ZBBX: variants seen among roughly 807,000 people sequenced by gnomAD.
ZBBX encodes the protein zinc finger B-box domain-containing protein 1.
In ZBBX, 101 loss-of-function variants were observed where a neutral mutation model predicts 108.5. That is an observed-to-expected ratio of 0.93 (90% CI 0.79 to 1.10). ZBBX has a LOEUF of 1.10. ZBBX is among the 50% of genes least tolerant of loss of function. The pLI is 0.00. For synonymous variants in ZBBX, 356 were observed against 323.4 expected (o/e 1.10, Z -1.08); for missense variants, 1,009 against 941.4 (o/e 1.07, Z -0.94).
chr3:167,368,722 T>C (rs1055718887), intron 4 of ZBBX, 148 bp from the exon 5 acceptor site: 4 of 1,278,196 alleles, frequency 3.1e-6, no homozygotes, highest in Non-Finnish European at 3.9e-6. Context: ...ATCTGGTTTT[T>C]AAAGTTAGCA....
chr3:167,360,723 A>G lies in ZBBX; in HGVS notation c.274T>C (p.Phe92Leu). 1 of 1,383,288 alleles carries G rather than the reference A, an allele frequency of 7.2e-7. No individual in the cohort carries two copies. The highest frequency in any genetic ancestry group is 9.5e-7 in the Non-Finnish European group (1 of 1,056,482). The allele number at this position is 1,383,288 out of a possible 1,614,324, so 85.7% of individuals were successfully genotyped here. A position where few individuals can be genotyped will look rare whatever the true frequency, so the allele number is the denominator to read the frequency against. Residue 92 changes from phenylalanine (F) to leucine (L), a missense_variant and splice_region_variant, in exon 7 of 22, where the codon TTT becomes CTT. Transcript: ENST00000675490. ...TTTAATTTCACTTTTCCAGCAGAAA[A>G]CTGTATTAATAAAATAGATACTATT... Reference protein sequence around the residue: ...MSQNKGNVVKFSAGKVKLKLL... With the variant: ...MSQNKGNVVKLSAGKVKLKLL...
intron 20 of ZBBX, among the ~76,000 whole-genome samples, chr3:167,259,676 T>C (rs1724127487): frequency 6.6e-6 from 1 of 152,150 alleles, no homozygotes; most frequent in South Asian, 2.1e-4. Flanking sequence ...CGTTGTGTCA[T>C]TATTGTCATT....
At chr3:167,333,596 T>C (rs73879670) in intron 10 of ZBBX, among the ~76,000 whole-genome samples, 2,121 of 152,260 alleles carry the variant, frequency 0.014, 45 homozygotes, top group African/African-American at 0.048. Context: ...CAGAAAGACA[T>C]ATGGTCAAAA....
Position 167,365,885 on chromosome 3 carries a change from C to G in ZBBX, c.273+1G>C, listed in dbSNP as rs184708397. On this transcript the variant is annotated splice_donor_variant, in intron 6 of 21. Transcript: ENST00000675490. LOFTEE classifies it high-confidence loss of function. Reference sequence around the variant, plus strand: ...ATAAGAATCAAATAGTATCTTCTTACCTTAACAACATTTCCTTTATTTTGT... The same window carrying G: ...ATAAGAATCAAATAGTATCTTCTTAGCTTAACAACATTTCCTTTATTTTGT... 5,235 of 1,600,744 alleles carry G rather than the reference C, an allele frequency of 3.3e-3. 14 individuals are homozygous for G. The highest frequency in any genetic ancestry group is 4.1e-3 in the Non-Finnish European group (4,820 of 1,170,966).
chr3:167,257,566 C>T (rs1037824966), intron 20 of ZBBX, among the ~76,000 whole-genome samples: 20 of 152,060 alleles, frequency 1.3e-4, no homozygotes, highest in African/African-American at 4.6e-4. Context: ...CTTCTATACC[C>T]AGTTTTTTAA....
chr3:167,243,140 A>C (rs1720967511), intron 20 of ZBBX, among the ~76,000 whole-genome samples: 1 of 152,190 alleles, frequency 6.6e-6, no homozygotes, highest in Non-Finnish European at 1.5e-5. Flanking sequence ...AGAAGCCTTA[A>C]ATTTTTCTTT....
intron 1 of ZBBX, among the ~76,000 whole-genome samples, chr3:167,406,483 G>A (rs964295922): frequency 3.3e-5 from 5 of 152,166 alleles, no homozygotes; most frequent in African/African-American, 1.2e-4. Flanking sequence ...CACTTTGGGA[G>A]GCCAAGGCAG....
At chr3:167,264,780 C>A (rs192614371) in intron 20 of ZBBX, among the ~76,000 whole-genome samples, 78 of 152,328 alleles carry the variant, frequency 5.1e-4, no homozygotes, top group Non-Finnish European at 8.7e-4. Flanking sequence ...TAAGTTGGCA[C>A]TCAGACCACA....
intron 10 of ZBBX, among the ~76,000 whole-genome samples, chr3:167,332,399 T>C (rs1410399654): frequency 6.6e-6 from 1 of 152,082 alleles, no homozygotes. Flanking sequence ...CTGGATGAAA[T>C]CATTGAATTA....
intron 20 of ZBBX, among the ~76,000 whole-genome samples, chr3:167,256,917 A>G (rs1026593254): frequency 6.6e-6 from 1 of 152,132 alleles, no homozygotes; most frequent in African/African-American, 2.4e-5. Context: ...TATTGTAAAC[A>G]GTACTGCAAC....
At chr3:167,386,427 A>G (rs570109621) in intron 1 of ZBBX, among the ~76,000 whole-genome samples, 20 of 152,214 alleles carry the variant, frequency 1.3e-4, no homozygotes, top group Non-Finnish European at 2.4e-4. Flanking sequence ...AGGAAACTCC[A>G]AAGTATAGAT....
rs1277866215 is a variant in ZBBX at position 167,282,502 on chromosome 3, T to C, written c.1997-7A>G. 4 of 1,590,052 alleles carry C rather than the reference T, an allele frequency of 2.5e-6. No individual in the cohort carries two copies. The highest frequency in any genetic ancestry group is 4.5e-5 in the East Asian group (2 of 44,708). ...GGTCTCTGTGATTTCTGACCTAAAA[T>C]TAAAAGTAAAAAGTTTTTAAATCAA... On this transcript the variant is annotated splice_region_variant and splice_polypyrimidine_tract_variant and intron_variant, in intron 19 of 21. Coordinates refer to ENST00000675490, the MANE Select transcript of ZBBX (RefSeq NM_001199201.2).
At chr3:167,290,391 G>A (rs150554742) in intron 18 of ZBBX, among the ~76,000 whole-genome samples, 1 of 152,286 alleles carries the variant, frequency 6.6e-6, no homozygotes, top group East Asian at 1.9e-4. Flanking sequence ...TGCAGCCTCC[G>A]CTGGTGATAC....
rs1361491578 is a variant in ZBBX, at chr3:167,282,242, A to G, written c.2250T>C (p.Leu750=). The G allele has an allele frequency of 3.1e-6, 5 of 1,607,924 alleles. No homozygotes were observed. The highest frequency in any genetic ancestry group is 1.3e-5 in the African/African-American group (1 of 74,546). Residue 750 remains leucine, a synonymous_variant, in exon 20 of 22, where the codon CTT becomes CTC. Coordinates refer to ENST00000675490, the MANE Select transcript of ZBBX (RefSeq NM_001199201.2). ...LEKELQVLRS[L]ADTSEKLYSL... ...TGAAAAAAAAAATAGGATTACCTGC[A>G]AGAGATCTCAGCACTTGTAATTCTT...
intron 2 of ZBBX, among the ~76,000 whole-genome samples, chr3:167,378,393 TAAAC>T (rs936416812): frequency 6.6e-6 from 1 of 152,132 alleles, no homozygotes; most frequent in African/African-American, 2.4e-5. Flanking sequence ...TTAAAAATAA[TAAAC>T]AATATTAAAA....
the ZBBX span, among the ~76,000 whole-genome samples, chr3:167,192,512 A>T: frequency 1.3e-5 from 2 of 152,088 alleles, no homozygotes; most frequent in African/African-American, 4.8e-5. Context: ...GCTTCTTTAT[A>T]TGTTATTTGC....
chr3:167,384,430 G>A (rs772304723), upstream of ZBBX, among the ~76,000 whole-genome samples: 25 of 152,030 alleles, frequency 1.6e-4, no homozygotes, highest in Admixed American at 1.3e-4. Context: ...ATAACCAGCC[G>A]TGGAAGAGCA....
chr3:167,402,428 C>T (rs2108643948), intron 1 of ZBBX, among the ~76,000 whole-genome samples: 1 of 152,270 alleles, frequency 6.6e-6, no homozygotes, highest in South Asian at 2.1e-4. Context: ...GAACAATCAA[C>T]TCCCACTTTA....
chr3:167,327,488 C>T (rs1173826045), intron 11 of ZBBX, among the ~76,000 whole-genome samples: 1 of 152,198 alleles, frequency 6.6e-6, no homozygotes, highest in African/African-American at 2.4e-5. Context: ...AATGATCACA[C>T]AGTGCATACT....
Sources: allele counts gnomAD v4.1 joint callset (sites outside exome capture counted in the v4.1 genomes callset), GRCh38; gene constraint gnomAD v4.1.1; transcripts MANE v1.5; gene names NCBI Gene and HGNC (gene_info 2026-07-23, HGNC 2026-07-21).